Variants in PTPRD observed in about 807,000 individuals in gnomAD.
PTPRD encodes the protein protein tyrosine phosphatase receptor type D, also known as receptor-type tyrosine-protein phosphatase delta.
In PTPRD, 34 loss-of-function variants were observed where a neutral mutation model predicts 214.5. That is an observed-to-expected ratio of 0.16 (90% confidence interval 0.12 to 0.21). The LOEUF (loss-of-function observed/expected upper bound fraction) is 0.21, where lower values mean the gene tolerates loss of function less well. PTPRD is among the 10% of genes least tolerant of loss of function. The probability of loss-of-function intolerance (pLI) is 1.00; values close to 1 mark genes in which losing one functional copy is unlikely to be tolerated. For synonymous variants in PTPRD, 1,128 were observed against 845.7 expected, an observed-to-expected ratio of 1.33 and a Z score of -5.79; for missense variants, 2,545 against 2,398.7, an observed-to-expected ratio of 1.06 and a Z score of -1.27.
At chr9:8,953,192 T>A (rs1358795516) in intron 11 of PTPRD, among the ~76,000 whole-genome samples, 2 of 151,776 alleles carry the variant, frequency 1.3e-5, no homozygotes, top group African/African-American at 4.8e-5. Flanking sequence ...AAAGTGTGAG[T>A]GAAATGTGGA....
At chr9:9,199,170 A>T (rs192304446) in intron 9 of PTPRD, among the ~76,000 whole-genome samples, 1 of 152,252 alleles carries the variant, frequency 6.6e-6, no homozygotes, top group Non-Finnish European at 1.5e-5. Context: ...GGAGAGAATG[A>T]CTAGTTGCAC....
intron 8 of PTPRD, among the ~76,000 whole-genome samples, chr9:9,550,423 A>C (rs2079912691): frequency 6.8e-6 from 1 of 147,974 alleles, no homozygotes; most frequent in African/African-American, 2.4e-5. Context: ...TATATATAAA[A>C]TTATATATTA....
rs1471172556 is a variant in PTPRD, at chr9:9,286,876, ATATATATATATATATATATATATATATAT to A, written c.-202-103542_-202-103514del. 4.4e-3 allele frequency among the ~76,000 whole-genome samples: 38 copies of A among 8,630 alleles called. 3 individuals carry two copies. The highest frequency in any genetic ancestry group is 0.034 in the Admixed American group (17 of 498). The allele number at this position is 8,630 out of a possible 152,430, so 5.7% of individuals were successfully genotyped here. Reference sequence around the variant, plus strand: ...CAAGGCAGTCTTGAAACTACTGAATATATATATATATATATATATATATATATATATATATATATATATATATATATATA... The same window carrying A: ...CAAGGCAGTCTTGAAACTACTGAATAATATATATATATATATATATATATA... On this transcript the variant is annotated intron_variant, in intron 9 of 45. Transcript: ENST00000381196.
intron 35 of PTPRD, among the ~76,000 whole-genome samples, chr9:8,417,184 T>C (rs975735782): frequency 2.0e-5 from 3 of 152,162 alleles, no homozygotes; most frequent in Admixed American, 2.0e-4. Context: ...TAATATATCG[T>C]TAGATTCTAA....
chr9:9,924,607 T>C (rs929247831), intron 5 of PTPRD, among the ~76,000 whole-genome samples: 2 of 152,132 alleles, frequency 1.3e-5, no homozygotes, highest in Non-Finnish European at 2.9e-5. Flanking sequence ...CCTTTCCTTG[T>C]TTAGAAACTT....
chr9:9,130,939 T>G (rs1442571596), intron 10 of PTPRD, among the ~76,000 whole-genome samples: 1 of 152,216 alleles, frequency 6.6e-6, no homozygotes, highest in Admixed American at 6.5e-5. Context: ...AACCCTTTAG[T>G]AAAATAACTA....
chr9:9,599,549 A>T (rs1211599643), intron 7 of PTPRD, among the ~76,000 whole-genome samples: 2 of 151,982 alleles, frequency 1.3e-5, no homozygotes, highest in Admixed American at 6.6e-5. Flanking sequence ...TACTCATTCT[A>T]TTCTTCAGGT....
chr9:9,638,880 G>A (rs954319918), intron 7 of PTPRD, among the ~76,000 whole-genome samples: 6 of 152,146 alleles, frequency 3.9e-5, no homozygotes, highest in African/African-American at 1.2e-4. Flanking sequence ...ATCCTCCAAA[G>A]GGGAGTAATG....
intron 10 of PTPRD, among the ~76,000 whole-genome samples, chr9:9,069,881 T>C (rs910226686): frequency 1.3e-5 from 2 of 152,198 alleles, no homozygotes; most frequent in Admixed American, 6.5e-5. Flanking sequence ...TATTGTGTAA[T>C]GTTAGCTTGA....
intron 36 of PTPRD, among the ~76,000 whole-genome samples, chr9:8,393,225 T>C (rs1360505800): frequency 6.6e-6 from 1 of 152,160 alleles, no homozygotes; most frequent in East Asian, 1.9e-4. Context: ...TAATGCAACA[T>C]TAATCAGAGT....
chr9:9,323,173 T>G (rs1402134651), intron 9 of PTPRD, among the ~76,000 whole-genome samples: 3 of 151,966 alleles, frequency 2.0e-5, no homozygotes, highest in Non-Finnish European at 4.4e-5. Flanking sequence ...GAATAAGATT[T>G]TCCTAATTAT....
intron 2 of PTPRD, among the ~76,000 whole-genome samples, chr9:10,514,472 AC>A (rs2049338026): frequency 6.6e-6 from 1 of 151,578 alleles, no homozygotes; most frequent in Admixed American, 6.6e-5. Context: ...TATAAAATAA[AC>A]TTTTTTATAA....
intron 3 of PTPRD, among the ~76,000 whole-genome samples, chr9:10,149,630 C>T (rs2099047028): frequency 6.6e-6 from 1 of 152,114 alleles, no homozygotes; most frequent in Non-Finnish European, 1.5e-5. Flanking sequence ...CCAGGCCATG[C>T]AGCCAGAATG....
chr9:10,543,402 T>C (rs916092646), intron 2 of PTPRD, among the ~76,000 whole-genome samples: 11 of 151,942 alleles, frequency 7.2e-5, no homozygotes, highest in Admixed American at 3.3e-4. Flanking sequence ...AATTTACTCA[T>C]AGAATTTGTG....
rs988764446 is a variant in PTPRD, at chr9:9,444,759, G to T, written c.-236-47277C>A. Among the ~76,000 whole-genome samples, 9 of 152,224 alleles carry T rather than the reference G, an allele frequency of 5.9e-5. No individual in the cohort carries two copies. The East Asian group carries it at 7.7e-4, about 13-fold the overall frequency. Reference sequence around the variant, plus strand: ...AATATATGCTTTTAGAAATGGTGCAGCAAATTCTAGTAACTTTTATATTTT... The same window carrying T: ...AATATATGCTTTTAGAAATGGTGCATCAAATTCTAGTAACTTTTATATTTT... On this transcript the variant is annotated intron_variant, in intron 8 of 45. Coordinates refer to ENST00000381196, the MANE Select transcript of PTPRD (RefSeq NM_002839.4).
chr9:10,159,188 G>GA (rs559271628), intron 3 of PTPRD, among the ~76,000 whole-genome samples: 1 of 150,624 alleles, frequency 6.6e-6, no homozygotes, highest in Admixed American at 6.6e-5. Context: ...GGAGAAAAAG[G>GA]AAAAAAAGAA....
At chr9:8,539,099 C>T (rs555275649) in intron 14 of PTPRD, among the ~76,000 whole-genome samples, 26 of 151,686 alleles carry the variant, frequency 1.7e-4, no homozygotes, top group African/African-American at 3.9e-4. Flanking sequence ...AACTTGAACA[C>T]GAAAATTAAA....
intron 2 of PTPRD, among the ~76,000 whole-genome samples, chr9:10,344,280 T>G (rs942368146): frequency 6.6e-6 from 1 of 152,118 alleles, no homozygotes; most frequent in Non-Finnish European, 1.5e-5. Flanking sequence ...ATTTATTGAA[T>G]AGAGAATCCT....
At chr9:9,210,628 T>G (rs2099947908) in intron 9 of PTPRD, among the ~76,000 whole-genome samples, 2 of 152,264 alleles carry the variant, frequency 1.3e-5, no homozygotes, top group South Asian at 4.2e-4. Flanking sequence ...TGGAATTTAT[T>G]TTAATGGACT....
Sources: gnomAD v4.1 joint callset for allele counts (sites outside exome capture counted in the v4.1 genomes callset) on GRCh38, gnomAD v4.1.1 for gene constraint, MANE v1.5 for transcripts, NCBI Gene and HGNC (gene_info 2026-07-23, HGNC 2026-07-21) for gene names.